The following MSRB3 variants were observed in gnomAD, a reference collection of about 807,000 sequenced individuals.
MSRB3 encodes methionine-R-sulfoxide reductase B3.
MSRB3 carries 13 observed loss-of-function variants against 21.0 expected under a neutral mutation model. The observed-to-expected ratio is 0.62, with a 90% confidence interval of 0.40 to 0.98. MSRB3 has a LOEUF of 0.98. Among genes scored for constraint, MSRB3 ranks in the 50% least tolerant of loss-of-function variants. MSRB3 has a pLI of 0.00. For synonymous variants in MSRB3, 87 were observed against 88.6 expected (o/e 0.98, Z 0.10); for missense variants, 199 against 230.3 (o/e 0.86, Z 0.88).
intron 5 of MSRB3, among the ~76,000 whole-genome samples, chr12:65,379,331 G>C (rs1446902862): frequency 2.0e-5 from 3 of 152,156 alleles, no homozygotes; most frequent in Admixed American, 2.0e-4. Context: ...TCACAGAGCA[G>C]ACCTTGGAAG....
intron 5 of MSRB3, among the ~76,000 whole-genome samples, chr12:65,429,815 A>G (rs1881792422): frequency 6.6e-6 from 1 of 152,156 alleles, no homozygotes; most frequent in Non-Finnish European, 1.5e-5. Context: ...GAGGAACTGG[A>G]TATGCACAGT....
chr12:65,334,994 C>T (rs546871487), intron 4 of MSRB3, among the ~76,000 whole-genome samples: 2 of 152,208 alleles, frequency 1.3e-5, no homozygotes, highest in African/African-American at 4.8e-5. Flanking sequence ...GTCTATCTTA[C>T]TACTGGAAAT....
At chr12:65,326,465 T>C (rs1875036918) in intron 2 of MSRB3, among the ~76,000 whole-genome samples, 6 of 152,156 alleles carry the variant, frequency 3.9e-5, no homozygotes, top group Admixed American at 3.9e-4. Context: ...ATATATACAG[T>C]ATAAATGTTT....
chr12:65,318,897 TAAA>T (rs1367386796), intron 2 of MSRB3, among the ~76,000 whole-genome samples: 1 of 152,122 alleles, frequency 6.6e-6, no homozygotes, highest in African/African-American at 2.4e-5. Flanking sequence ...ATTCAACAAT[TAAA>T]AATTTATAAC....
intron 4 of MSRB3, among the ~76,000 whole-genome samples, chr12:65,354,546 T>C (rs1267163551): frequency 3.9e-5 from 6 of 151,990 alleles, no homozygotes; most frequent in Non-Finnish European, 7.4e-5. Context: ...ATTCGTCACG[T>C]AGTTCTCTTG....
At chr12:65,408,337 C>G (rs1473845747) in intron 5 of MSRB3, among the ~76,000 whole-genome samples, 2 of 152,146 alleles carry the variant, frequency 1.3e-5, no homozygotes, top group Non-Finnish European at 2.9e-5. Context: ...TCGTGATCCA[C>G]CCACCTCAGC....
At chr12:65,377,957 A>T (rs764222497) in intron 5 of MSRB3, among the ~76,000 whole-genome samples, 1 of 152,132 alleles carries the variant, frequency 6.6e-6, no homozygotes, top group Non-Finnish European at 1.5e-5. Context: ...AGGAGTTTGG[A>T]TCCATACATC....
intron 5 of MSRB3, among the ~76,000 whole-genome samples, chr12:65,434,355 CT>C (rs915794701): frequency 2.6e-5 from 4 of 151,834 alleles, no homozygotes; most frequent in Admixed American, 2.0e-4. Context: ...CTAGAATATC[CT>C]TTAGATCACT....
intron 5 of MSRB3, among the ~76,000 whole-genome samples, chr12:65,380,847 G>T (rs182871632): frequency 1.3e-3 from 205 of 152,264 alleles, no homozygotes; most frequent in African/African-American, 4.6e-3. Context: ...AGTCCGATTC[G>T]AGAGTCTTAA....
chr12:65,353,360 A>T (rs1877159357), intron 4 of MSRB3, among the ~76,000 whole-genome samples: 1 of 152,088 alleles, frequency 6.6e-6, no homozygotes, highest in Non-Finnish European at 1.5e-5. Context: ...GTGGGAGTCT[A>T]AGTCTCTTTG....
rs1878543500 is a variant in MSRB3 at position 65,375,193 on chromosome 12, T to C, written c.292+6167T>C. 2.0e-5 allele frequency among the ~76,000 whole-genome samples: 3 copies of C among 152,104 alleles called. No individual in the cohort carries two copies. In the South Asian group the frequency reaches 6.2e-4, roughly 32 times the overall value. On this transcript the variant is annotated intron_variant, in intron 5 of 6. Coordinates refer to ENST00000308259, the MANE Select transcript of MSRB3 (RefSeq NM_001031679.3). ...TAGAATCAAGTAGAGGGGACACGGC[T>C]CTTCATCCCGTTTTCTAAACTAACT...
At chr12:65,285,268 T>C (rs1362264396) in intron 1 of MSRB3, 1 of 152,252 alleles carries the variant, frequency 6.6e-6, no homozygotes, top group Admixed American at 6.5e-5. Flanking sequence ...GCAAGGTTCC[T>C]GTACACTTAC....
chr12:65,412,442 T>C (rs561792022), intron 5 of MSRB3, among the ~76,000 whole-genome samples: 11 of 152,294 alleles, frequency 7.2e-5, no homozygotes, highest in African/African-American at 2.6e-4. Context: ...AAGACCATCA[T>C]AGTTAAGTTG....
rs1356296383 is a variant in MSRB3 at position 65,413,474 on chromosome 12, T to G, written c.293-40254T>G. The stretch of plus-strand genomic sequence containing the variant: ...GATATAACTTGGGATAACTTTTTAG[T>G]ACTGTTCTTTGGCTCTGAGATGTTC... On this transcript the variant is annotated intron_variant, in intron 5 of 6. Transcript: ENST00000308259. Among the ~76,000 whole-genome samples the G allele has an allele frequency of 2.0e-5, 3 of 152,334 alleles. No individual in the cohort carries two copies. In the East Asian group the frequency reaches 5.8e-4, roughly 29 times the overall value.
intron 5 of MSRB3, among the ~76,000 whole-genome samples, chr12:65,426,472 TTC>T (rs1489897802): frequency 6.6e-6 from 1 of 152,220 alleles, no homozygotes; most frequent in Non-Finnish European, 1.5e-5. Context: ...GTTTTCAGAA[TTC>T]TCTCTGTCTT....
intron 5 of MSRB3, among the ~76,000 whole-genome samples, chr12:65,370,034 A>G (rs1315164309): frequency 1.3e-5 from 2 of 152,058 alleles, no homozygotes; most frequent in Admixed American, 6.6e-5. Context: ...ATTTGGTGAG[A>G]CTCATTAACT....
chr12:65,444,679 T>C (rs1042205633), intron 5 of MSRB3, among the ~76,000 whole-genome samples: 1 of 152,176 alleles, frequency 6.6e-6, no homozygotes, highest in African/African-American at 2.4e-5. Flanking sequence ...TTCTTCACTA[T>C]GCTTTCCAAT....
chr12:65,289,096 A>G (rs1175754476), intron 1 of MSRB3, among the ~76,000 whole-genome samples: 1 of 152,252 alleles, frequency 6.6e-6, no homozygotes, highest in Non-Finnish European at 1.5e-5. Context: ...TTTTGTGATT[A>G]TCATTGAACA....
chr12:65,410,754 G>A (rs894412973), intron 5 of MSRB3, among the ~76,000 whole-genome samples: 1 of 152,138 alleles, frequency 6.6e-6, no homozygotes, highest in Admixed American at 6.6e-5. Context: ...CAACTTCATG[G>A]GGTTGTTGAG....
Sources: allele counts gnomAD v4.1 joint callset (sites outside exome capture counted in the v4.1 genomes callset), GRCh38; gene constraint gnomAD v4.1.1; transcripts MANE v1.5; gene names NCBI Gene and HGNC (gene_info 2026-07-23, HGNC 2026-07-21).